Variants in PRKX observed in about 807,000 individuals in gnomAD.
PRKX encodes the protein cAMP-dependent protein kinase catalytic subunit PRKX.
In PRKX, 12 loss-of-function variants were observed where a neutral mutation model predicts 22.0. The ratio of observed to expected loss-of-function variants is 0.54; its 90% CI spans 0.35 to 0.88. PRKX has a LOEUF of 0.88. Among genes scored for constraint, PRKX ranks in the 40% least tolerant of loss-of-function variants. The pLI is 0.01. For missense variants in PRKX, 217 were observed against 308.0 expected, an observed-to-expected ratio of 0.70 and a Z score of 2.21; for synonymous variants, 134 against 137.7, an observed-to-expected ratio of 0.97 and a Z score of 0.19.
chrX:3,708,823 T>G lies in PRKX; in HGVS notation c.166+4265A>C, dbSNP rs576782816. On this transcript the variant is annotated intron_variant, in intron 1 of 8. Transcript: ENST00000262848. ...AGGTTGTGGTCAATACACTCCAGGCTGGGCAACAAGAGTGAAACTCTGTCT... is the reference window on the plus strand; with the variant it reads ...AGGTTGTGGTCAATACACTCCAGGCGGGGCAACAAGAGTGAAACTCTGTCT... Among the ~76,000 whole-genome samples the G allele has an allele frequency of 2.3e-4, 24 of 104,471 alleles. No homozygotes were observed. In the South Asian group the frequency reaches 9.7e-3, roughly 42 times the overall value. 90.7% of individuals were successfully genotyped at this position (104,471 alleles called of 115,157 possible).
At chrX:3,681,177 T>C (rs1928063994) in intron 1 of PRKX, among the ~76,000 whole-genome samples, 1 of 111,370 alleles carries the variant, frequency 9.0e-6, no homozygotes, top group Non-Finnish European at 1.9e-5. Flanking sequence ...AGCCCAGGAA[T>C]TCCCGACCAG....
At position 3,712,485 on chromosome X, in the gene PRKX, C is replaced by T. The variant is rs757761266; in HGVS notation, c.166+603G>A. ...GATAAAGCGTCCGATACAAGAATTACCCATTTCAGAGGCACAAGACGAAGA... is the reference window on the plus strand; with the variant it reads ...GATAAAGCGTCCGATACAAGAATTATCCATTTCAGAGGCACAAGACGAAGA... On this transcript the variant is annotated intron_variant, in intron 1 of 8. Coordinates refer to ENST00000262848, the MANE Select transcript of PRKX (RefSeq NM_005044.5). 2.7e-5 allele frequency among the ~76,000 whole-genome samples: 3 copies of T among 112,003 alleles called. No homozygotes were observed. The South Asian group carries it at 1.1e-3, about 42-fold the overall frequency.
intron 3 of PRKX, among the ~76,000 whole-genome samples, chrX:3,647,560 T>C (rs908057432): frequency 9.4e-6 from 1 of 105,957 alleles, no homozygotes; most frequent in Non-Finnish European, 1.9e-5. Flanking sequence ...TATATGAATA[T>C]ACTAAAATAT....
At position 3,656,593 on chromosome X, in the gene PRKX, G is replaced by A. The variant is rs750478505; in HGVS notation, c.336-1181C>T. On this transcript the variant is annotated intron_variant, in intron 2 of 8. Transcript: ENST00000262848. ...GACAGATGTTAGGATATGCGTGTGTGTAGATGTGACTCTACAGGTATAGAC... is the reference window on the plus strand; with the variant it reads ...GACAGATGTTAGGATATGCGTGTGTATAGATGTGACTCTACAGGTATAGAC... 2.2e-3 allele frequency among the ~76,000 whole-genome samples: 244 copies of A among 111,521 alleles called. 1 individual carries two copies. The highest frequency in any genetic ancestry group is 7.3e-3 in the African/African-American group (224 of 30,635).
In PRKX at chrX:3,648,996, T is replaced by C. The variant is rs1927254547; in HGVS notation, c.599+6153A>G. Among the ~76,000 whole-genome samples, 3 of 111,579 alleles carry C rather than the reference T, an allele frequency of 2.7e-5. No homozygotes were observed. The Admixed American group carries it at 2.9e-4, about 11-fold the overall frequency. On this transcript the variant is annotated intron_variant, in intron 3 of 8. Transcript: ENST00000262848. ...CCAAAAACAAACAAAAAAGAGCTGT[T>C]GCAGAGAAAGAAAACCATCTGTTAT...
At chrX:3,614,486 T>A (rs1362209829) in intron 7 of PRKX, among the ~76,000 whole-genome samples, 1 of 111,430 alleles carries the variant, frequency 9.0e-6, no homozygotes, top group Non-Finnish European at 1.9e-5. Context: ...AGACGCTGTC[T>A]CAAAAAATAA....
chrX:3,706,657 C>A (rs1185072779), intron 1 of PRKX, among the ~76,000 whole-genome samples: 2 of 112,073 alleles, frequency 1.8e-5, no homozygotes, highest in Non-Finnish European at 3.8e-5. Context: ...GTGTCTGCTG[C>A]TTTCGAGAGT....
rs1926169579 is a variant in PRKX, at chrX:3,606,263, C to T, written c.*2706G>A. ...TGTTTGTCATGATCATCCATACGGA[C>T]ATTCTGCACCGTGATTGTTTCGTGA... On this transcript the variant is annotated 3_prime_UTR_variant, in exon 9 of 9. Transcript: ENST00000262848. 1 of 112,935 alleles carries T rather than the reference C, an allele frequency of 8.9e-6. No individual in the cohort carries two copies. Among genetic ancestry groups the T allele is most frequent in the Non-Finnish European group, 1.9e-5 (1 of 53,397 alleles). The allele number at this position is 112,935 out of a possible 1,213,427, so 9.3% of individuals were successfully genotyped here. A position where few individuals can be genotyped will look rare whatever the true frequency, so the allele number is the denominator to read the frequency against.
Position 3,678,925 on chromosome X carries a change from G to A in PRKX, c.167-4159C>T, listed in dbSNP as rs186909221. 3.6e-5 allele frequency among the ~76,000 whole-genome samples: 4 copies of A among 111,633 alleles called. No homozygotes were observed. The Admixed American group carries it at 3.8e-4, about 11-fold the overall frequency. Reference sequence around the variant, plus strand: ...AAAAGAGTGTTTTCAAGTGTTTCTAGGCAGGTCAGCTCTTTCCTTCCTGAT... The same window carrying A: ...AAAAGAGTGTTTTCAAGTGTTTCTAAGCAGGTCAGCTCTTTCCTTCCTGAT... On this transcript the variant is annotated intron_variant, in intron 1 of 8. Transcript: ENST00000262848.
Position 3,713,505 on chromosome X carries a change from T to G in PRKX, c.-252A>C. 4.3e-6 allele frequency: 1 copy of G among 230,360 alleles called. No homozygotes were observed. Among genetic ancestry groups the G allele is most frequent in the Non-Finnish European group, 7.7e-6 (1 of 129,034 alleles). 19.0% of individuals were successfully genotyped at this position (230,360 alleles called of 1,213,427 possible). The stretch of plus-strand genomic sequence containing the variant: ...CCGGCCTCGGGGGGCGGGCACCGAG[T>G]GCGGGACGACTGCGGGGAAGGCGGG... On this transcript the variant is annotated 5_prime_UTR_variant, in exon 1 of 9. Coordinates refer to ENST00000262848, the MANE Select transcript of PRKX (RefSeq NM_005044.5).
In PRKX at chrX:3,654,026, A is replaced by ATATTATATAGTATAATATG. The variant is rs1456786252; in HGVS notation, c.599+1122_599+1123insCATATTATACTATATAATA. On this transcript the variant is annotated intron_variant, in intron 3 of 8. Transcript: ENST00000262848. ...GTGATATATACTATATATATTATAT[A>ATATTATATAGTATAATATG]CTATGTAATATATATATTATATATA... Among the ~76,000 whole-genome samples the ATATTATATAGTATAATATG allele has an allele frequency of 1.0e-3, 85 of 82,201 alleles. 1 individual carries two copies. Among genetic ancestry groups the ATATTATATAGTATAATATG allele is most frequent in the African/African-American group, 4.0e-3 (79 of 19,825 alleles). The allele number at this position is 82,201 out of a possible 115,157, so 71.4% of individuals were successfully genotyped here.
At chrX:3,635,561 T>C (rs1926870669) in intron 4 of PRKX, among the ~76,000 whole-genome samples, 1 of 110,868 alleles carries the variant, frequency 9.0e-6, no homozygotes, top group Admixed American at 9.6e-5. Flanking sequence ...TGTGTCCCTG[T>C]GTTTTGTTCT....
intron 1 of PRKX, among the ~76,000 whole-genome samples, chrX:3,709,389 G>A (rs926647916): frequency 9.0e-6 from 1 of 110,850 alleles, no homozygotes; most frequent in African/African-American, 3.3e-5. Flanking sequence ...TTTTAATAGG[G>A]GTCTAGGAAC....
chrX:3,690,815 C>G lies in PRKX; in HGVS notation c.167-16049G>C, dbSNP rs146404218. On this transcript the variant is annotated intron_variant, in intron 1 of 8. Transcript: ENST00000262848. ...TTCTCATCTTCTCCCACAACACTAA[C>G]AGATGTGAAGCCAGGGAAAGGTTCG... 3.2e-3 allele frequency among the ~76,000 whole-genome samples: 355 copies of G among 111,288 alleles called. 3 individuals carry two copies. Among genetic ancestry groups the G allele is most frequent in the African/African-American group, 0.011 (343 of 30,994 alleles).
intron 2 of PRKX, among the ~76,000 whole-genome samples, chrX:3,669,717 C>G (rs1480483518): frequency 8.9e-6 from 1 of 112,267 alleles, no homozygotes; most frequent in Non-Finnish European, 1.9e-5. Context: ...TATCTATTAT[C>G]TATCACCTAT....
At chrX:3,675,447 C>T (rs182489707) in intron 1 of PRKX, among the ~76,000 whole-genome samples, 2,437 of 110,674 alleles carry the variant, frequency 0.022, 68 homozygotes, top group African/African-American at 0.073. Context: ...TCTCCTCCTT[C>T]CCCTCCTCCA....
At chrX:3,701,222 C>T (rs761877450) in intron 1 of PRKX, among the ~76,000 whole-genome samples, 2 of 111,360 alleles carry the variant, frequency 1.8e-5, no homozygotes, top group East Asian at 5.6e-4. Context: ...GATCCTCCTG[C>T]CTCAGCCTCC....
chrX:3,626,892 C>A (rs1926670375), intron 4 of PRKX, among the ~76,000 whole-genome samples: 1 of 111,770 alleles, frequency 8.9e-6, no homozygotes, highest in Non-Finnish European at 1.9e-5. Context: ...AATCCACCAC[C>A]ATGACCAAGC....
At chrX:3,621,422 G>T in intron 5 of PRKX, 106 bp from the exon 6 acceptor site, 1 of 707,839 alleles carries the variant, frequency 1.4e-6, no homozygotes, top group Non-Finnish European at 2.1e-6. Context: ...CATGAGGACC[G>T]CAGTTCAATT....
Sources: allele counts gnomAD v4.1 joint callset (sites outside exome capture counted in the v4.1 genomes callset), GRCh38; gene constraint gnomAD v4.1.1; transcripts MANE v1.5; gene names NCBI Gene and HGNC (gene_info 2026-07-23, HGNC 2026-07-21).